Variants in CIMIP2C observed in about 807,000 individuals in gnomAD.
CIMIP2C encodes UPF0573 protein C2orf70.
the CIMIP2C span, chr2:26,578,820 C>T: frequency 1.8e-3 from 851 of 471,288 alleles, 11 homozygotes; most frequent in South Asian, 0.012. Context: ...TCACAACGAA[C>T]GCAAAGGGCC....
the CIMIP2C span, chr2:26,579,124 A>T: frequency 1.5e-6 from 1 of 672,316 alleles, no homozygotes; most frequent in African/African-American, 1.8e-5. Flanking sequence ...CCATTATGTA[A>T]ATACAGGTTA....
the CIMIP2C span, among the ~76,000 whole-genome samples, chr2:26,564,900 G>A: frequency 6.6e-6 from 1 of 152,182 alleles, no homozygotes; most frequent in Non-Finnish European, 1.5e-5. Flanking sequence ...GCCCCACGCT[G>A]GTGATTGAAG....
the CIMIP2C span, among the ~76,000 whole-genome samples, chr2:26,568,394 C>G: frequency 1.3e-5 from 2 of 152,212 alleles, no homozygotes; most frequent in Non-Finnish European, 2.9e-5. Context: ...CAGCCCCTAT[C>G]TCTTCCCTGG....
the CIMIP2C span, among the ~76,000 whole-genome samples, chr2:26,574,341 G>C: frequency 2.0e-5 from 3 of 152,226 alleles, no homozygotes; most frequent in African/African-American, 7.2e-5. Context: ...CCAGGTACAA[G>C]GGCACATGGC....
the CIMIP2C span, chr2:26,578,217 C>G: frequency 6.4e-6 from 1 of 157,450 alleles, no homozygotes; most frequent in Non-Finnish European, 1.4e-5. Flanking sequence ...TTTCTGTGCT[C>G]TCTCCTTCCT....
chr2:26,565,878 C>T, the CIMIP2C span, among the ~76,000 whole-genome samples: 91 of 152,356 alleles, frequency 6.0e-4, 1 homozygote, highest in African/African-American at 2.0e-3. Context: ...CAGGGTGCTC[C>T]ATTTGGTTCC....
the CIMIP2C span, among the ~76,000 whole-genome samples, chr2:26,566,661 T>G: frequency 6.6e-6 from 1 of 152,164 alleles, no homozygotes; most frequent in Non-Finnish European, 1.5e-5. Flanking sequence ...ACACAGACGA[T>G]AGTAACGTGG....
the CIMIP2C span, among the ~76,000 whole-genome samples, chr2:26,567,902 C>G: frequency 6.6e-6 from 1 of 152,186 alleles, no homozygotes; most frequent in Admixed American, 6.5e-5. Flanking sequence ...GAATGCTTGT[C>G]TGAGAATTTC....
At chr2:26,562,814 G>T in the CIMIP2C span, 1 of 780,090 alleles carries the variant, frequency 1.3e-6, no homozygotes, top group Non-Finnish European at 2.2e-6. Flanking sequence ...TCCACCCGAC[G>T]GGGCGAGGGG....
chr2:26,565,280 G>A, the CIMIP2C span, among the ~76,000 whole-genome samples: 5 of 152,092 alleles, frequency 3.3e-5, no homozygotes, highest in Non-Finnish European at 5.9e-5. Flanking sequence ...TAGTACAGGC[G>A]GGGTTTTGCC....
At chr2:26,564,669 C>T in the CIMIP2C span, among the ~76,000 whole-genome samples, 103 of 152,322 alleles carry the variant, frequency 6.8e-4, 2 homozygotes, top group South Asian at 0.021. Flanking sequence ...CCAAGATTCC[C>T]GACCACACTT....
the CIMIP2C span, chr2:26,578,611 G>A: frequency 2.8e-5 from 10 of 362,448 alleles, 1 homozygote; most frequent in South Asian, 1.6e-4. Flanking sequence ...TCTAGGACTC[G>A]GGGGCTCTCT....
the CIMIP2C span, chr2:26,579,503 G>C: frequency 1.3e-6 from 2 of 1,570,846 alleles, no homozygotes; most frequent in Non-Finnish European, 1.7e-6. Context: ...TGGCTTGCTT[G>C]GAATAAAATC....
At chr2:26,572,632 A>T in the CIMIP2C span, among the ~76,000 whole-genome samples, 3 of 152,176 alleles carry the variant, frequency 2.0e-5, no homozygotes, top group African/African-American at 7.2e-5. Flanking sequence ...CATTCCCTAC[A>T]TTCTGAACCA....
chr2:26,565,028 T>TCC, the CIMIP2C span, among the ~76,000 whole-genome samples: 3 of 150,652 alleles, frequency 2.0e-5, no homozygotes, highest in African/African-American at 7.3e-5. Context: ...CTTCTTCTTC[T>TCC]TCTTCTCCTT....
At chr2:26,564,423 T>C in the CIMIP2C span, among the ~76,000 whole-genome samples, 1 of 152,168 alleles carries the variant, frequency 6.6e-6, no homozygotes, top group Non-Finnish European at 1.5e-5. Flanking sequence ...GCAGTTCCCT[T>C]GAGCGCCCTG....
At chr2:26,579,365 C>T in the CIMIP2C span, 1 of 1,613,922 alleles carries the variant, frequency 6.2e-7, no homozygotes, top group East Asian at 2.2e-5. Context: ...ACCTACCAGA[C>T]CTTCCCATCA....
the CIMIP2C span, among the ~76,000 whole-genome samples, chr2:26,565,147 T>G: frequency 6.9e-6 from 1 of 144,762 alleles, no homozygotes; most frequent in Non-Finnish European, 1.5e-5. Context: ...TGGAGTGCAA[T>G]GGCGCAATCT....
chr2:26,576,969 CAAGGACAAGGTGT>C, the CIMIP2C span, among the ~76,000 whole-genome samples: 1 of 152,220 alleles, frequency 6.6e-6, no homozygotes, highest in Non-Finnish European at 1.5e-5. Flanking sequence ...AGCCTGATTG[CAAGGACAAGGTGT>C]GTCCTGGCCC....
Sources: gnomAD v4.1 joint callset for allele counts (sites outside exome capture counted in the v4.1 genomes callset) on GRCh38, gnomAD v4.1.1 for gene constraint, MANE v1.5 for transcripts, NCBI Gene and HGNC (gene_info 2026-07-23, HGNC 2026-07-21) for gene names.